HNRNPU: variants seen among roughly 807,000 people sequenced by gnomAD.
HNRNPU encodes the protein HNRNPU antisense RNA 1.
In HNRNPU, 5 loss-of-function variants were observed where a neutral mutation model predicts 94.7. That is an observed-to-expected ratio of 0.05 (90% CI 0.03 to 0.11). HNRNPU has a LOEUF of 0.11. Among genes scored for constraint, HNRNPU ranks in the 10% least tolerant of loss-of-function variants. The pLI is 1.00. For missense variants in HNRNPU, 710 were observed against 1,049.2 expected (o/e 0.68, Z 4.47); for synonymous variants, 434 against 381.6 (o/e 1.14, Z -1.60).
At chr1:244,861,612 G>A (rs182261757) in intron 3 of HNRNPU, 2 of 152,210 alleles carry the variant, frequency 1.3e-5, no homozygotes, top group Non-Finnish European at 2.9e-5. Context: ...AAGCTCCAAT[G>A]CCTTCCATCT....
At position 244,852,435 on chromosome 1, in the gene HNRNPU, A is replaced by G. The variant is rs929910323; in HGVS notation, c.*2015T>C. On this transcript the variant is annotated 3_prime_UTR_variant, in exon 14 of 14. Coordinates refer to ENST00000640218, the MANE Select transcript of HNRNPU (RefSeq NM_031844.3). ...CAATTTTAAACTAGAAGATATATCC[A>G]AAACTTTTTAAAGGCACAAAGGACA... The G allele has an allele frequency of 6.6e-6, 1 of 152,206 alleles. No individual in the cohort carries two copies. Among genetic ancestry groups the G allele is most frequent in the Non-Finnish European group, 1.5e-5 (1 of 68,018 alleles). 9.4% of individuals were successfully genotyped at this position (152,206 alleles called of 1,614,324 possible).
intron 1 of HNRNPU, among the ~76,000 whole-genome samples, chr1:244,863,334 A>T (rs369213782): frequency 7.1e-6 from 1 of 141,496 alleles, no homozygotes; most frequent in Non-Finnish European, 1.5e-5. Flanking sequence ...TCCTCCCCCT[A>T]CAGCGGCAGC....
Position 244,862,411 on chromosome 1 carries a change from A to AC in HNRNPU, c.877+49_877+50insG, listed in dbSNP as rs1680860849. On this transcript the variant is annotated intron_variant, in intron 3 of 13. Transcript: ENST00000640218. Reference sequence around the variant, plus strand: ...TAAGACTTCTAAAAAAAAAAAAAAAAAAACCACCATCACCGCATTTCATAA... The same window carrying AC: ...TAAGACTTCTAAAAAAAAAAAAAAAACAAACCACCATCACCGCATTTCATAA... 5 of 1,303,258 alleles carry AC rather than the reference A, an allele frequency of 3.8e-6. No homozygotes were observed. In the East Asian group the frequency reaches 9.2e-5, roughly 24 times the overall value. The allele number at this position is 1,303,258 out of a possible 1,614,324, so 80.7% of individuals were successfully genotyped here. A position where few individuals can be genotyped will look rare whatever the true frequency, so the allele number is the denominator to read the frequency against.
At chr1:244,857,114 A>T (rs1054420144) in intron 8 of HNRNPU, 54 of 340,110 alleles carry the variant, frequency 1.6e-4, no homozygotes, top group South Asian at 3.5e-4. Flanking sequence ...AGTGGAAGGC[A>T]GTTTACCCTC....
At chr1:244,856,674 C>A (rs745903392) in intron 9 of HNRNPU, 49 bp from the exon 10 acceptor site, 2 of 1,607,752 alleles carry the variant, frequency 1.2e-6, no homozygotes, top group Non-Finnish European at 1.7e-6. Flanking sequence ...TAATTCTACA[C>A]CAATCTATCT....
Position 244,855,977 on chromosome 1 carries a change from G to C in HNRNPU, c.2094C>G (p.Asn698Lys), listed in dbSNP as rs369389024. Residue 698 changes from asparagine (N) to lysine (K), a missense_variant, in exon 11 of 14, where the codon AAC (asparagine) becomes AAG (lysine). Physicochemically the swap from Asn to Lys is moderately conservative, Grantham distance 94 (BLOSUM62 0). Around this residue, in one of 8 missense-constraint regions of HNRNPU, gnomAD observed 152 missense variants for 238.9 expected, o/e 0.64. Transcript: ENST00000640218. Reference sequence around the variant, plus strand: ...TATGGCCACCACCTCTGTTAAACTGGTTCTTGCCACTCTTATTTTTATTGC... The same window carrying C: ...TATGGCCACCACCTCTGTTAAACTGCTTCTTGCCACTCTTATTTTTATTGC... ...KKSNKNKSGK[N>K]QFNRGGGHRG... 6.2e-7 allele frequency: 1 copy of C among 1,613,948 alleles called. No individual in the cohort carries two copies. Among genetic ancestry groups the C allele is most frequent in the Non-Finnish European group, 8.5e-7 (1 of 1,179,986 alleles).
At chr1:244,862,386 T>TTA (rs1680858370) in intron 3 of HNRNPU, 75 bp downstream of exon 3, 1 of 973,830 alleles carries the variant, frequency 1.0e-6, no homozygotes, top group African/African-American at 2.2e-5. Context: ...ACTTAAGCAT[T>TTA]AAGACTTCTA....
chr1:244,863,582 C>T (rs1680914344), intron 1 of HNRNPU, 35 bp downstream of exon 1: 2 of 1,390,988 alleles, frequency 1.4e-6, no homozygotes, highest in Non-Finnish European at 1.8e-6. Context: ...CCGCGCGGGC[C>T]TCCCGCCGCG....
chr1:244,857,009 A>G (rs1463549871), intron 8 of HNRNPU, 153 bp from the exon 9 acceptor site: 1 of 634,820 alleles, frequency 1.6e-6, no homozygotes, highest in Non-Finnish European at 2.7e-6. Context: ...AGGGTCACTT[A>G]AACTATGTAA....
chr1:244,864,365 C>A lies in HNRNPU; in HGVS notation c.-58G>T. ...CTCAAACTCGGCTCCGCTCACTCGGCCACTGGTGGCGGCTGCTGCGGCTGC... is the reference window on the plus strand; with the variant it reads ...CTCAAACTCGGCTCCGCTCACTCGGACACTGGTGGCGGCTGCTGCGGCTGC... On this transcript the variant is annotated 5_prime_UTR_variant, in exon 1 of 14. Coordinates refer to ENST00000640218, the MANE Select transcript of HNRNPU (RefSeq NM_031844.3). 1 of 1,592,162 alleles carries A rather than the reference C, an allele frequency of 6.3e-7. No individual in the cohort carries two copies. Among genetic ancestry groups the A allele is most frequent in the South Asian group, 1.1e-5 (1 of 88,018 alleles).
rs1553282840 is a variant in HNRNPU at position 244,859,269 on chromosome 1, C to T, written c.1117+6G>A. 6.7e-7 allele frequency: 1 copy of T among 1,481,914 alleles called. No homozygotes were observed. The highest frequency in any genetic ancestry group is 9.4e-7 in the Non-Finnish European group (1 of 1,059,980). The allele number at this position is 1,481,914 out of a possible 1,614,324, so 91.8% of individuals were successfully genotyped here. On this transcript the variant is annotated splice_donor_region_variant and intron_variant, in intron 5 of 13. Transcript: ENST00000640218. The stretch of plus-strand genomic sequence containing the variant: ...TGAGCCCACATCAGTCAAAAAGAAG[C>T]TTTACCAAGTAACATTCCACTTGTA...
At chr1:244,860,594 C>A in intron 3 of HNRNPU, 120 bp from the exon 4 acceptor site, 1 of 709,640 alleles carries the variant, frequency 1.4e-6, no homozygotes. Context: ...AACTTTTCTC[C>A]ACATCATGCT....
chr1:244,855,271 G>A, intron 12 of HNRNPU, 153 bp downstream of exon 12: 2 of 811,934 alleles, frequency 2.5e-6, no homozygotes, highest in Non-Finnish European at 4.0e-6. Context: ...TCAAAAGTAA[G>A]TAGACTCATT....
rs1418110066 is a variant in HNRNPU at position 244,852,054 on chromosome 1, C to CAG, written c.*2395_*2396insCT. The CAG allele has an allele frequency of 6.6e-6, 1 of 152,192 alleles. No homozygotes were observed. The highest frequency in any genetic ancestry group is 6.5e-5 in the Admixed American group (1 of 15,268). The allele number at this position is 152,192 out of a possible 1,614,324, so 9.4% of individuals were successfully genotyped here. On this transcript the variant is annotated 3_prime_UTR_variant, in exon 14 of 14. Transcript: ENST00000640218. ...GGTAGTCAGGATTTGTCCAGAACTACATCCTTTTCAGATGTTCAGAGTTTT... is the reference window on the plus strand; with the variant it reads ...GGTAGTCAGGATTTGTCCAGAACTACAGATCCTTTTCAGATGTTCAGAGTTTT...
Position 244,854,339 on chromosome 1 carries a change from C to T in HNRNPU, c.*111G>A, listed in dbSNP as rs965892821. On this transcript the variant is annotated 3_prime_UTR_variant, in exon 14 of 14. Coordinates refer to ENST00000640218, the MANE Select transcript of HNRNPU (RefSeq NM_031844.3). Reference sequence around the variant, plus strand: ...CCACAAAGCTTCTAAAAAAGGAACCCGCAGGCACTTCCTCTTGTGGAATGT... The same window carrying T: ...CCACAAAGCTTCTAAAAAAGGAACCTGCAGGCACTTCCTCTTGTGGAATGT... The T allele has an allele frequency of 2.6e-6, 2 of 758,446 alleles. No homozygotes were observed. The highest frequency in any genetic ancestry group is 2.5e-5 in the East Asian group (1 of 39,712). The allele number at this position is 758,446 out of a possible 1,614,324, so 47.0% of individuals were successfully genotyped here.
intron 4 of HNRNPU, chr1:244,859,656 T>C (rs1680775180): frequency 4.4e-6 from 1 of 227,856 alleles, no homozygotes; most frequent in Admixed American, 5.6e-5. Flanking sequence ...AAGGATACAA[T>C]TAATGTTTTT....
rs539279281 is a variant in HNRNPU at position 244,863,867 on chromosome 1, G to C, written c.441C>G (p.Asp147Glu). 2.5e-6 allele frequency: 4 copies of C among 1,613,048 alleles called. No homozygotes were observed. The Admixed American group carries it at 6.7e-5, about 27-fold the overall frequency. ...TCTCGTCGCCCGCGCCTTCCTCTTC[G>C]TCCCCGAGCTCATCTTCCCCTTCCT... ...GFQEGEDELG[D>E]EEEGAGDENG... The change falls in exon 1 of 14, where the codon GAC (aspartate) becomes GAG (glutamate). Residue 147 changes from aspartate to glutamate, a missense_variant. This residue lies in a region of HNRNPU where 292 missense variants were observed against 293.4 expected (regional missense o/e 1.00). Coordinates refer to ENST00000640218, the MANE Select transcript of HNRNPU (RefSeq NM_031844.3).
rs757425534 is a variant in HNRNPU at position 244,864,005 on chromosome 1, G to A, written c.303C>T (p.Gly101=). The A allele has an allele frequency of 1.2e-6, 2 of 1,613,302 alleles. No homozygotes were observed. The highest frequency in any genetic ancestry group is 4.5e-5 in the East Asian group (2 of 44,856). ...EEEEGISALD[G]DQMELGEENG... ...TCTCCTCTCCTAGCTCCATCTGGTC[G>A]CCGTCCAGAGCGGAGATTCCTTCCT... is the stretch of plus-strand genomic sequence containing the variant. Residue 101 remains glycine, a synonymous_variant, in exon 1 of 14, where the codon GGC becomes GGT. Coordinates refer to ENST00000640218, the MANE Select transcript of HNRNPU (RefSeq NM_031844.3).
At chr1:244,860,973 A>G (rs992415221) in intron 3 of HNRNPU, 3 of 155,894 alleles carry the variant, frequency 1.9e-5, no homozygotes, top group African/African-American at 7.2e-5. Flanking sequence ...TGTGAAGAAG[A>G]CAGCCTAAAA....
Sources: gnomAD v4.1 joint callset for allele counts (sites outside exome capture counted in the v4.1 genomes callset) on GRCh38, gnomAD v4.1.1 for gene constraint, gnomAD v4.1.1 regional missense constraint, MANE v1.5 for transcripts, NCBI Gene and HGNC (gene_info 2026-07-23, HGNC 2026-07-21) for gene names.